Variants in CNTLN observed in about 807,000 individuals in gnomAD.
The protein encoded by CNTLN is centlein, centrosomal protein.
A neutral mutation model predicts 180.0 loss-of-function variants in CNTLN; 212 were observed. The observed-to-expected ratio is 1.18, with a 90% CI of 1.05 to 1.32. CNTLN has a LOEUF of 1.32. Ranked by LOEUF, CNTLN falls within the 40% of genes most tolerant of loss-of-function variation. The probability of loss-of-function intolerance (pLI) is 0.00; values close to 1 mark genes in which losing one functional copy is unlikely to be tolerated. For missense variants in CNTLN, 2,095 were observed against 1,610.9 expected (o/e 1.30, Z -5.14); for synonymous variants, 722 against 563.1 (o/e 1.28, Z -3.99).
chr9:17,217,060 G>GT (rs1212996346), intron 2 of CNTLN, among the ~76,000 whole-genome samples: 110 of 152,340 alleles, frequency 7.2e-4, no homozygotes, highest in African/African-American at 2.5e-3. Flanking sequence ...CAAGGTGAGA[G>GT]TACTTGCAAT....
chr9:17,502,817 C>G lies in CNTLN; in HGVS notation c.*165C>G, dbSNP rs1456954269. 2.6e-6 allele frequency: 1 copy of G among 385,784 alleles called. No individual in the cohort carries two copies. 23.9% of individuals were successfully genotyped at this position (385,784 alleles called of 1,614,324 possible). A position where few individuals can be genotyped will look rare whatever the true frequency, so the allele number is the denominator to read the frequency against. On this transcript the variant is annotated 3_prime_UTR_variant, in exon 26 of 26. Transcript: ENST00000380647. ...ATAATTAATTGCTGAACAAGTGAAA[C>G]TAATTAAGTACATAGCCATTTAAAA...
chr9:17,386,630 G>A (rs912103163), intron 13 of CNTLN, among the ~76,000 whole-genome samples: 1 of 151,810 alleles, frequency 6.6e-6, no homozygotes, highest in Non-Finnish European at 1.5e-5. Context: ...CCGGTGAAGG[G>A]GAGAAACAAA....
intron 13 of CNTLN, among the ~76,000 whole-genome samples, chr9:17,383,383 A>G (rs1825414655): frequency 1.3e-5 from 2 of 151,642 alleles, no homozygotes; most frequent in African/African-American, 4.8e-5. Context: ...GTGTGGTGGC[A>G]CACACTTGTA....
At chr9:17,189,880 G>C (rs1026523446) in intron 2 of CNTLN, among the ~76,000 whole-genome samples, 4 of 151,946 alleles carry the variant, frequency 2.6e-5, no homozygotes, top group East Asian at 3.9e-4. Flanking sequence ...ACGAACTATT[G>C]TAAGTCCTCT....
At chr9:17,323,310 G>T (rs535913501) in intron 8 of CNTLN, among the ~76,000 whole-genome samples, 23 of 152,278 alleles carry the variant, frequency 1.5e-4, no homozygotes, top group African/African-American at 5.5e-4. Context: ...ACATTACACA[G>T]ATGTGAAGGC....
chr9:17,224,663 A>G (rs1401464447), intron 2 of CNTLN, among the ~76,000 whole-genome samples: 1 of 151,930 alleles, frequency 6.6e-6, no homozygotes, highest in Non-Finnish European at 1.5e-5. Flanking sequence ...TTTTTACTTC[A>G]GTGATTATAA....
chr9:17,216,891 A>G (rs1253097468), intron 2 of CNTLN, among the ~76,000 whole-genome samples: 4 of 152,222 alleles, frequency 2.6e-5, no homozygotes, highest in East Asian at 1.9e-4. Context: ...GAATTATGCC[A>G]TCTGGTAGCA....
At chr9:17,315,768 A>G (rs1819499570) in intron 8 of CNTLN, among the ~76,000 whole-genome samples, 1 of 151,928 alleles carries the variant, frequency 6.6e-6, no homozygotes, top group African/African-American at 2.4e-5. Flanking sequence ...TCTATATTGA[A>G]TTCTTGAATA....
At chr9:17,474,412 A>T (rs899126839) in intron 23 of CNTLN, among the ~76,000 whole-genome samples, 4 of 152,112 alleles carry the variant, frequency 2.6e-5, no homozygotes, top group Non-Finnish European at 4.4e-5. Flanking sequence ...TGATACTTCA[A>T]ATCGTGTCTG....
intron 12 of CNTLN, among the ~76,000 whole-genome samples, chr9:17,351,267 A>G (rs1437290496): frequency 6.6e-6 from 1 of 152,146 alleles, no homozygotes; most frequent in Non-Finnish European, 1.5e-5. Context: ...CTTCATTTGC[A>G]TATTTGCCTA....
intron 13 of CNTLN, among the ~76,000 whole-genome samples, chr9:17,386,226 T>C (rs1825673557): frequency 6.6e-6 from 1 of 151,916 alleles, no homozygotes; most frequent in African/African-American, 2.4e-5. Context: ...TTTATATTAA[T>C]TATTTAAGCC....
chr9:17,442,633 A>G (rs1375732174), intron 18 of CNTLN, among the ~76,000 whole-genome samples: 1 of 152,156 alleles, frequency 6.6e-6, no homozygotes, highest in Non-Finnish European at 1.5e-5. Context: ...TCCTGACCTC[A>G]AGTGATTCAC....
At chr9:17,493,576 T>C (rs1833286392) in intron 25 of CNTLN, among the ~76,000 whole-genome samples, 1 of 152,134 alleles carries the variant, frequency 6.6e-6, no homozygotes, top group Non-Finnish European at 1.5e-5. Flanking sequence ...CTATGTCACC[T>C]CATTCTGTTT....
chr9:17,226,142 T>C, intron 2 of CNTLN, 61 bp from the exon 3 acceptor site: 2 of 820,350 alleles, frequency 2.4e-6, no homozygotes, highest in Admixed American at 3.1e-5. Flanking sequence ...ATTTGGGATA[T>C]GAAAATTTAA....
chr9:17,212,733 G>T (rs1042962893), intron 2 of CNTLN, among the ~76,000 whole-genome samples: 1 of 152,010 alleles, frequency 6.6e-6, no homozygotes, highest in Non-Finnish European at 1.5e-5. Flanking sequence ...AATTTCAGAG[G>T]CTGTGTTTGG....
chr9:17,237,617 T>C (rs571705497), intron 5 of CNTLN, among the ~76,000 whole-genome samples: 1 of 152,160 alleles, frequency 6.6e-6, no homozygotes, highest in Non-Finnish European at 1.5e-5. Flanking sequence ...GGAACGTGTG[T>C]AGGGTATTTG....
At chr9:17,191,276 G>C (rs1821771810) in intron 2 of CNTLN, among the ~76,000 whole-genome samples, 1 of 152,186 alleles carries the variant, frequency 6.6e-6, no homozygotes, top group Non-Finnish European at 1.5e-5. Context: ...TATCACAGCA[G>C]TTGTTAAATA....
intron 2 of CNTLN, among the ~76,000 whole-genome samples, chr9:17,212,349 G>A (rs1314306265): frequency 1.3e-5 from 2 of 152,140 alleles, no homozygotes; most frequent in African/African-American, 4.8e-5. Flanking sequence ...TTATATGCTG[G>A]ATTACGTTTA....
intron 7 of CNTLN, chr9:17,301,261 A>G: frequency 1.0e-6 from 1 of 985,458 alleles, no homozygotes; most frequent in Non-Finnish European, 1.2e-6. Flanking sequence ...AACTTGCCGT[A>G]ACCTAAATTG....
Sources: allele counts gnomAD v4.1 joint callset (sites outside exome capture counted in the v4.1 genomes callset), GRCh38; gene constraint gnomAD v4.1.1; transcripts MANE v1.5; gene names NCBI Gene and HGNC (gene_info 2026-07-23, HGNC 2026-07-21).